SMYD3: variants seen among roughly 807,000 people sequenced by gnomAD.
The protein encoded by SMYD3 is histone-lysine N-methyltransferase SMYD3.
In SMYD3, 36 loss-of-function variants were observed where a neutral mutation model predicts 57.7. That is an observed-to-expected ratio of 0.62 (90% CI 0.48 to 0.82). The LOEUF (loss-of-function observed/expected upper bound fraction) is 0.82. Among genes scored for constraint, SMYD3 ranks in the 40% least tolerant of loss-of-function variants. SMYD3 has a pLI of 0.00. For synonymous variants in SMYD3, 211 were observed against 195.0 expected (o/e 1.08, Z -0.68); for missense variants, 515 against 538.8 (o/e 0.96, Z 0.44).
At chr1:246,047,647 G>C (rs957255168) in intron 5 of SMYD3, among the ~76,000 whole-genome samples, 2 of 152,002 alleles carry the variant, frequency 1.3e-5, no homozygotes, top group African/African-American at 4.8e-5. Flanking sequence ...GACCATCCTG[G>C]GCAACATGAT....
chr1:245,868,802 G>A (rs1333199363), intron 8 of SMYD3, among the ~76,000 whole-genome samples: 2 of 152,058 alleles, frequency 1.3e-5, no homozygotes, highest in Non-Finnish European at 2.9e-5. Flanking sequence ...ATCCCACTGT[G>A]GCTGCTACTC....
At position 245,977,275 on chromosome 1, in the gene SMYD3, G is replaced by A. The variant is rs550983175; in HGVS notation, c.532-47338C>T. Among the ~76,000 whole-genome samples, 30 of 152,290 alleles carry A rather than the reference G, an allele frequency of 2.0e-4. No individual in the cohort carries two copies. In the South Asian group the frequency reaches 2.1e-3, roughly 11 times the overall value. ...TCTTCAAATGGCCTAACACGGCTCC[G>A]CTTGATCCAGCCTCTACCACACAAC... On this transcript the variant is annotated intron_variant, in intron 5 of 11. Coordinates refer to ENST00000490107, the MANE Select transcript of SMYD3 (RefSeq NM_001167740.2).
At chr1:246,406,890 G>A (rs987271484) in intron 1 of SMYD3, among the ~76,000 whole-genome samples, 1 of 152,168 alleles carries the variant, frequency 6.6e-6, no homozygotes, top group East Asian at 1.9e-4. Context: ...CTATCGACCT[G>A]GTAATATTAT....
At chr1:246,210,746 C>A (rs1268918401) in intron 5 of SMYD3, among the ~76,000 whole-genome samples, 1 of 151,808 alleles carries the variant, frequency 6.6e-6, no homozygotes, top group African/African-American at 2.4e-5. Context: ...ATTGGCTCTA[C>A]AAATCCATTC....
At chr1:245,937,016 A>G (rs907818801) in intron 5 of SMYD3, among the ~76,000 whole-genome samples, 4 of 152,228 alleles carry the variant, frequency 2.6e-5, no homozygotes, top group Admixed American at 6.5e-5. Flanking sequence ...CAAGTAAAAA[A>G]TAAAATAATA....
At chr1:246,294,192 T>C (rs981275640) in intron 5 of SMYD3, among the ~76,000 whole-genome samples, 4 of 152,154 alleles carry the variant, frequency 2.6e-5, no homozygotes, top group African/African-American at 7.2e-5. Context: ...ATCATCTGTA[T>C]ACTCTAGAGA....
chr1:245,854,800 A>G (rs888037515), intron 10 of SMYD3, among the ~76,000 whole-genome samples: 1 of 152,198 alleles, frequency 6.6e-6, no homozygotes, highest in Non-Finnish European at 1.5e-5. Flanking sequence ...AACAGTTCTG[A>G]AGGGAAGAGA....
At chr1:246,463,661 C>A (rs1360793844) in intron 1 of SMYD3, among the ~76,000 whole-genome samples, 114 of 73,100 alleles carry the variant, frequency 1.6e-3, no homozygotes, top group South Asian at 2.9e-3. Context: ...ACTAAAAATA[C>A]AAAAAAAAAA....
At chr1:246,008,642 G>A (rs558321348) in intron 5 of SMYD3, among the ~76,000 whole-genome samples, 14 of 152,214 alleles carry the variant, frequency 9.2e-5, no homozygotes, top group Non-Finnish European at 1.8e-4. Flanking sequence ...TTCCTTTCTC[G>A]AGCAACGCAG....
intron 5 of SMYD3, among the ~76,000 whole-genome samples, chr1:246,229,917 T>C (rs1415221253): frequency 6.6e-6 from 1 of 152,204 alleles, no homozygotes; most frequent in African/African-American, 2.4e-5. Context: ...TTTTAATGTG[T>C]TCCTAAAACA....
At chr1:246,323,164 T>C (rs1196608925) in intron 5 of SMYD3, among the ~76,000 whole-genome samples, 1 of 152,232 alleles carries the variant, frequency 6.6e-6, no homozygotes, top group Non-Finnish European at 1.5e-5. Context: ...CTATGGCTCA[T>C]GTTACTCAGT....
At chr1:246,014,121 G>A (rs986198279) in intron 5 of SMYD3, among the ~76,000 whole-genome samples, 1 of 152,170 alleles carries the variant, frequency 6.6e-6, no homozygotes, top group East Asian at 1.9e-4. Flanking sequence ...TCGGGTGTTC[G>A]AGACCAGCCT....
intron 8 of SMYD3, among the ~76,000 whole-genome samples, chr1:245,911,687 G>C (rs1256611784): frequency 3.3e-5 from 5 of 151,980 alleles, no homozygotes; most frequent in Non-Finnish European, 7.4e-5. Context: ...AAAAGAAGGT[G>C]ATTTTATAGA....
At chr1:245,933,317 A>C (rs1238026977) in intron 5 of SMYD3, among the ~76,000 whole-genome samples, 1 of 152,168 alleles carries the variant, frequency 6.6e-6, no homozygotes, top group Non-Finnish European at 1.5e-5. Context: ...AAATAAATGC[A>C]ACTGGGTTAA....
chr1:246,249,065 A>AT (rs1441280619), intron 5 of SMYD3, among the ~76,000 whole-genome samples: 5 of 150,710 alleles, frequency 3.3e-5, no homozygotes, highest in African/African-American at 9.8e-5. Context: ...GATTACTGGG[A>AT]TTTTTTTTTA....
chr1:246,129,933 A>C (rs1008772188), intron 5 of SMYD3, among the ~76,000 whole-genome samples: 3 of 152,228 alleles, frequency 2.0e-5, no homozygotes, highest in African/African-American at 7.2e-5. Context: ...AGGCATTTTG[A>C]AAACTGAAAA....
intron 5 of SMYD3, among the ~76,000 whole-genome samples, chr1:246,207,853 T>C (rs1324902515): frequency 2.0e-5 from 3 of 151,348 alleles, no homozygotes; most frequent in Non-Finnish European, 4.4e-5. Flanking sequence ...AATCTCAAGT[T>C]TTCACAGGAA....
intron 5 of SMYD3, among the ~76,000 whole-genome samples, chr1:246,272,940 T>C (rs928016566): frequency 6.6e-6 from 1 of 152,164 alleles, no homozygotes; most frequent in Non-Finnish European, 1.5e-5. Flanking sequence ...GAGAGATTAT[T>C]GATTACTGAT....
chr1:246,305,088 A>G (rs1193943165), intron 5 of SMYD3, among the ~76,000 whole-genome samples: 2 of 152,332 alleles, frequency 1.3e-5, no homozygotes, highest in East Asian at 3.9e-4. Context: ...TCTATTGCCT[A>G]ACATAAGTCC....
Sources: allele counts gnomAD v4.1 joint callset (sites outside exome capture counted in the v4.1 genomes callset), GRCh38; gene constraint gnomAD v4.1.1; transcripts MANE v1.5; gene names NCBI Gene and HGNC (gene_info 2026-07-23, HGNC 2026-07-21).